HDHD2: variants seen among roughly 807,000 people sequenced by gnomAD.
HDHD2 encodes the protein haloacid dehalogenase-like hydrolase domain-containing protein 2.
Under a neutral mutation model 24.8 loss-of-function variants are expected in HDHD2, and 26 were observed. The ratio of observed to expected loss-of-function variants is 1.05; its 90% CI spans 0.77 to 1.45. The LOEUF is 1.45. HDHD2 is among the 40% of genes most tolerant of loss of function. HDHD2 has a pLI of 0.00. For missense variants in HDHD2, 299 were observed against 313.4 expected (o/e 0.95, Z 0.35); for synonymous variants, 128 against 114.9 (o/e 1.11, Z -0.73).
chr18:47,136,940 T>A, intron 1 of HDHD2: 3 of 479,110 alleles, frequency 6.3e-6, no homozygotes, highest in Admixed American at 3.4e-5. Flanking sequence ...CACTGCCACC[T>A]CCTCCTTTTT....
intron 1 of HDHD2, among the ~76,000 whole-genome samples, chr18:47,140,363 A>C (rs1249414301): frequency 6.6e-6 from 1 of 152,228 alleles, no homozygotes; most frequent in South Asian, 2.1e-4. Context: ...TTAGTTTTAT[A>C]AATATCTACA....
chr18:47,118,315 G>C (rs888063529), intron 4 of HDHD2, among the ~76,000 whole-genome samples: 1 of 152,158 alleles, frequency 6.6e-6, no homozygotes, highest in Admixed American at 6.5e-5. Flanking sequence ...GTTCACTGCA[G>C]CATTAGTCAC....
chr18:47,134,819 T>C (rs2063748442), intron 2 of HDHD2, 115 bp from the exon 3 acceptor site: 2 of 754,798 alleles, frequency 2.6e-6, no homozygotes, highest in South Asian at 3.5e-5. Flanking sequence ...CATGACAATG[T>C]GTAGCCTCTT....
chr18:47,133,842 ATTTG>A (rs372370838), intron 3 of HDHD2, among the ~76,000 whole-genome samples: 10,292 of 151,980 alleles, frequency 0.068, 418 homozygotes, highest in East Asian at 0.13. Flanking sequence ...TTTCTTGTAA[ATTTG>A]TTTGAGTTCT....
At chr18:47,141,254 T>C (rs530364512) in intron 1 of HDHD2, among the ~76,000 whole-genome samples, 4 of 152,344 alleles carry the variant, frequency 2.6e-5, no homozygotes, top group African/African-American at 9.6e-5. Flanking sequence ...ATGGGGTCAA[T>C]TAATGTTAAG....
intron 3 of HDHD2, 27 bp from the exon 4 acceptor site, chr18:47,130,355 T>C: frequency 6.9e-7 from 1 of 1,456,984 alleles, no homozygotes; most frequent in Admixed American, 2.0e-5. Context: ...AAAATGATTG[T>C]TGCAAATGCA....
At chr18:47,146,272 A>G (rs1033731238) in intron 1 of HDHD2, among the ~76,000 whole-genome samples, 1 of 152,092 alleles carries the variant, frequency 6.6e-6, no homozygotes, top group Non-Finnish European at 1.5e-5. Flanking sequence ...CAGCAAATAA[A>G]TGAAGATACT....
intron 3 of HDHD2, among the ~76,000 whole-genome samples, chr18:47,133,890 G>A (rs980752578): frequency 6.6e-6 from 1 of 152,106 alleles, no homozygotes; most frequent in Admixed American, 6.5e-5. Context: ...TTTGTCAGAT[G>A]AGCAGATTGC....
chr18:47,136,330 A>G lies in HDHD2; in HGVS notation c.101+9T>C. On this transcript the variant is annotated intron_variant, in intron 2 of 6. Transcript: ENST00000300605. ...CATATTTGTCAGCTGAACCTGGAGG[A>G]TAGCTTGCCTTTTAAGAGCTTCCTG... 8 of 1,613,674 alleles carry G rather than the reference A, an allele frequency of 5.0e-6. No individual in the cohort carries two copies. The highest frequency in any genetic ancestry group is 6.8e-6 in the Non-Finnish European group (8 of 1,179,928).
chr18:47,108,595 C>G lies in HDHD2; in HGVS notation c.*87G>C. The G allele has an allele frequency of 1.4e-6, 1 of 710,244 alleles. No homozygotes were observed. Among genetic ancestry groups the G allele is most frequent in the South Asian group, 1.8e-5 (1 of 55,254 alleles). 44.0% of individuals were successfully genotyped at this position (710,244 alleles called of 1,614,324 possible). A position where few individuals can be genotyped will look rare whatever the true frequency, so the allele number is the denominator to read the frequency against. On this transcript the variant is annotated 3_prime_UTR_variant, in exon 7 of 7. Coordinates refer to ENST00000300605, the MANE Select transcript of HDHD2 (RefSeq NM_032124.5). ...AAAAGCGATCAGCACTGACTGGTGT[C>G]TACCGATGCTGGCACTGAGTTGGTA...
chr18:47,112,654 C>A (rs2063524611), intron 6 of HDHD2, among the ~76,000 whole-genome samples: 1 of 152,202 alleles, frequency 6.6e-6, no homozygotes, highest in African/African-American at 2.4e-5. Flanking sequence ...AAGGTATTTT[C>A]ACAGAGCACC....
rs187683953 is a variant in HDHD2, at chr18:47,133,939, T to A, written c.310+557A>T. On this transcript the variant is annotated intron_variant, in intron 3 of 6. Coordinates refer to ENST00000300605, the MANE Select transcript of HDHD2 (RefSeq NM_032124.5). ...CATTCTGTAGGTTGCCTGTTCACTCTGATGGTAGTTTCTTTTGCTGTGCAG... is the reference window on the plus strand; with the variant it reads ...CATTCTGTAGGTTGCCTGTTCACTCAGATGGTAGTTTCTTTTGCTGTGCAG... Among the ~76,000 whole-genome samples the A allele has an allele frequency of 5.5e-4, 84 of 152,344 alleles. 1 individual carries two copies. In the East Asian group the frequency reaches 0.014, roughly 26 times the overall value.
At chr18:47,136,213 G>A (rs1599953615) in intron 2 of HDHD2, 126 bp downstream of exon 2, 1 of 1,151,100 alleles carries the variant, frequency 8.7e-7, no homozygotes. Flanking sequence ...CTAAACCCAA[G>A]GCAGTTCCTA....
intron 4 of HDHD2, among the ~76,000 whole-genome samples, chr18:47,124,727 A>C (rs1308410377): frequency 6.6e-6 from 1 of 151,234 alleles, no homozygotes; most frequent in Non-Finnish European, 1.5e-5. Flanking sequence ...AAAAAAAAAA[A>C]ACAACTTTGA....
chr18:47,115,246 TAAAG>T lies in HDHD2; in HGVS notation c.494_497del (p.Ala165GlufsTer36), dbSNP rs2063548805. 1 of 1,613,906 alleles carries T rather than the reference TAAAG, an allele frequency of 6.2e-7. No homozygotes were observed. Among genetic ancestry groups the T allele is most frequent in the African/African-American group, 1.3e-5 (1 of 74,928 alleles). On this transcript the variant is annotated frameshift_variant, in exon 5 of 7. Coordinates refer to ENST00000300605, the MANE Select transcript of HDHD2 (RefSeq NM_032124.5). LOFTEE classifies it high-confidence loss of function. ...TGGCTTTGGTATCTGTGGCATACTC[TAAAG>T]CAGTCACAAATGGTCCAGGCCCCAG...
intron 4 of HDHD2, among the ~76,000 whole-genome samples, chr18:47,117,463 C>T (rs1204314804): frequency 6.6e-6 from 1 of 152,126 alleles, no homozygotes; most frequent in East Asian, 1.9e-4. Context: ...CTCTCTTGAC[C>T]TTCTGCCTTC....
intron 4 of HDHD2, among the ~76,000 whole-genome samples, chr18:47,127,144 G>C (rs1242543113): frequency 1.3e-5 from 2 of 151,974 alleles, no homozygotes; most frequent in African/African-American, 4.8e-5. Flanking sequence ...CTGGGTGACA[G>C]AGCAAGACTC....
At chr18:47,120,856 G>A (rs1328467798) in intron 4 of HDHD2, among the ~76,000 whole-genome samples, 2 of 152,164 alleles carry the variant, frequency 1.3e-5, no homozygotes, top group South Asian at 2.1e-4. Context: ...CAGCTGGCTG[G>A]TGAAGCGGTC....
chr18:47,142,584 T>A (rs2063829811), intron 1 of HDHD2, among the ~76,000 whole-genome samples: 1 of 152,146 alleles, frequency 6.6e-6, no homozygotes, highest in African/African-American at 2.4e-5. Flanking sequence ...AACTTGTATA[T>A]GCTTCTATTT....
Sources: gnomAD v4.1 joint callset for allele counts (sites outside exome capture counted in the v4.1 genomes callset) on GRCh38, gnomAD v4.1.1 for gene constraint, MANE v1.5 for transcripts, NCBI Gene and HGNC (gene_info 2026-07-23, HGNC 2026-07-21) for gene names.